Variants in NSD3 observed in about 807,000 individuals in gnomAD.
NSD3 encodes the protein histone-lysine N-methyltransferase NSD3.
Under a neutral mutation model 160.8 loss-of-function variants are expected in NSD3, and 24 were observed. That is an observed-to-expected ratio of 0.15 (90% CI 0.11 to 0.21). The LOEUF is 0.21. Among genes scored for constraint, NSD3 ranks in the 10% least tolerant of loss-of-function variants. The pLI is 1.00. For missense variants in NSD3, 1,157 were observed against 1,735.9 expected, an observed-to-expected ratio of 0.67 and a Z score of 5.93; for synonymous variants, 520 against 600.0, an observed-to-expected ratio of 0.87 and a Z score of 1.95.
intron 2 of NSD3, among the ~76,000 whole-genome samples, chr8:38,344,237 A>C (rs966503417): frequency 6.6e-6 from 1 of 152,098 alleles, no homozygotes; most frequent in Non-Finnish European, 1.5e-5. Context: ...TACTAAGAAA[A>C]AAAGTAGCAG....
intron 4 of NSD3, among the ~76,000 whole-genome samples, chr8:38,334,589 C>A (rs1810161673): frequency 6.6e-6 from 1 of 150,968 alleles, no homozygotes; most frequent in Non-Finnish European, 1.5e-5. Flanking sequence ...CCCGTCTCTA[C>A]TAAAAATACA....
intron 2 of NSD3, among the ~76,000 whole-genome samples, chr8:38,341,146 C>G (rs1472075036): frequency 6.6e-6 from 1 of 151,666 alleles, no homozygotes; most frequent in Non-Finnish European, 1.5e-5. Flanking sequence ...ACAACAACAA[C>G]AAACAAAAAA....
intron 1 of NSD3, among the ~76,000 whole-genome samples, chr8:38,363,608 C>A (rs1195118722): frequency 7.5e-6 from 1 of 133,110 alleles, no homozygotes. Context: ...CACCTGCACT[C>A]TAGCCTGGGT....
chr8:38,323,144 T>A (rs1809830644), intron 7 of NSD3, among the ~76,000 whole-genome samples: 1 of 152,134 alleles, frequency 6.6e-6, no homozygotes. Flanking sequence ...AACCTCCGCC[T>A]CCAGGGTTCA....
At chr8:38,355,410 TA>T (rs59402456) in intron 1 of NSD3, among the ~76,000 whole-genome samples, 34,093 of 143,666 alleles carry the variant, frequency 0.24, 3,933 homozygotes, top group East Asian at 0.32. Flanking sequence ...GCTAAAAAGT[TA>T]AAAAAAAAAA....
intron 1 of NSD3, among the ~76,000 whole-genome samples, chr8:38,359,163 A>T (rs1480987420): frequency 6.6e-6 from 1 of 152,158 alleles, no homozygotes; most frequent in Non-Finnish European, 1.5e-5. Context: ...AGGTTTTCAT[A>T]ATTAAAAAAT....
intron 1 of NSD3, among the ~76,000 whole-genome samples, chr8:38,362,840 C>A (rs530188987): frequency 6.6e-6 from 1 of 152,326 alleles, no homozygotes; most frequent in African/African-American, 2.4e-5. Flanking sequence ...AACATCATCA[C>A]TGTAGAACAT....
At chr8:38,342,914 A>G in intron 2 of NSD3, among the ~76,000 whole-genome samples, 1 of 151,410 alleles carries the variant, frequency 6.6e-6, no homozygotes, top group East Asian at 2.0e-4. Flanking sequence ...ACTACAGGCC[A>G]GGTGCCGTGG....
chr8:38,305,939 A>G (rs925913741), intron 12 of NSD3, among the ~76,000 whole-genome samples: 1 of 152,204 alleles, frequency 6.6e-6, no homozygotes, highest in Non-Finnish European at 1.5e-5. Context: ...TATCCACAAA[A>G]AAGACAATTA....
At chr8:38,369,078 T>TTTA (rs1811174479) in intron 1 of NSD3, among the ~76,000 whole-genome samples, 2 of 152,222 alleles carry the variant, frequency 1.3e-5, no homozygotes, top group African/African-American at 4.8e-5. Flanking sequence ...CACTAAGCAA[T>TTTA]TTATTATATC....
chr8:38,328,826 C>T (rs948971086), intron 6 of NSD3, among the ~76,000 whole-genome samples: 1 of 152,112 alleles, frequency 6.6e-6, no homozygotes, highest in African/African-American at 2.4e-5. Flanking sequence ...TTTGTAGAGG[C>T]TGTTTTTACC....
At chr8:38,302,349 A>G (rs1466866605) in intron 14 of NSD3, among the ~76,000 whole-genome samples, 3 of 152,238 alleles carry the variant, frequency 2.0e-5, no homozygotes, top group African/African-American at 4.8e-5. Context: ...TACTTCTGAA[A>G]GACTTTTGAT....
At position 38,286,719 on chromosome 8, in the gene NSD3, G is replaced by A. The variant is rs150831097; in HGVS notation, c.3501+1768C>T. Among the ~76,000 whole-genome samples, 1,286 of 152,182 alleles carry A rather than the reference G, an allele frequency of 8.5e-3. 9 individuals are homozygous for A. Among genetic ancestry groups the A allele is most frequent in the Non-Finnish European group, 0.013 (874 of 67,998 alleles). Reference sequence around the variant, plus strand: ...CTAGCCAGTGGCTGACCTTCTCACCGCAGCTCCTCTCTTTCCTCTCCTGTG... The same window carrying A: ...CTAGCCAGTGGCTGACCTTCTCACCACAGCTCCTCTCTTTCCTCTCCTGTG... On this transcript the variant is annotated intron_variant, in intron 19 of 23. Coordinates refer to ENST00000317025, the MANE Select transcript of NSD3 (RefSeq NM_023034.2).
At position 38,345,391 on chromosome 8, in the gene NSD3, A is replaced by C. The variant is rs1015975044; in HGVS notation, c.675+2106T>G. Reference sequence around the variant, plus strand: ...GAGACAGGGAGAGAGGGAGAGAGAGAGAGAACGAACAAGAAAAAAACCTGG... The same window carrying C: ...GAGACAGGGAGAGAGGGAGAGAGAGCGAGAACGAACAAGAAAAAAACCTGG... On this transcript the variant is annotated intron_variant, in intron 2 of 23. Transcript: ENST00000317025. Among the ~76,000 whole-genome samples the C allele has an allele frequency of 5.3e-5, 8 of 151,818 alleles. No individual in the cohort carries two copies. In the South Asian group the frequency reaches 1.5e-3, roughly 28 times the overall value.
chr8:38,315,924 C>A lies in NSD3; in HGVS notation c.1974G>T (p.Leu658=). The A allele has an allele frequency of 6.2e-7, 1 of 1,613,810 alleles. No homozygotes were observed. The highest frequency in any genetic ancestry group is 1.1e-5 in the South Asian group (1 of 91,044). Residue 658 remains leucine (L), a synonymous_variant, in exon 10 of 24, where the codon CTG becomes CTT. Coordinates refer to ENST00000317025, the MANE Select transcript of NSD3 (RefSeq NM_023034.2). ...RDTSDSDSRG[L]SDLQVGFGKQ... is the part of the protein sequence containing the mutation. ...TGCACATATTTACCTGCAGGTCACTCAGTCCTCTAGAATCGGAGTCAGATG... is the reference window on the plus strand; with the variant it reads ...TGCACATATTTACCTGCAGGTCACTAAGTCCTCTAGAATCGGAGTCAGATG...
In NSD3 at chr8:38,326,909, T is replaced by C. The variant is rs569117875; in HGVS notation, c.1582-53A>G. On this transcript the variant is annotated intron_variant, in intron 6 of 23. Transcript: ENST00000317025. ...ACAAAACAGGTGATTACCAGGCAAGTGGCATCATGGGCTTATAAAGATGGC... is the reference window on the plus strand; with the variant it reads ...ACAAAACAGGTGATTACCAGGCAAGCGGCATCATGGGCTTATAAAGATGGC... The C allele has an allele frequency of 3.7e-5, 60 of 1,602,268 alleles. No individual in the cohort carries two copies. The South Asian group carries it at 5.9e-4, about 16-fold the overall frequency.
Position 38,275,626 on chromosome 8 carries a change from G to A in NSD3, c.*15C>T. On this transcript the variant is annotated 3_prime_UTR_variant, in exon 24 of 24. Transcript: ENST00000317025. ...GCTTTTTTCACTTAAATAGAAAGGA[G>A]GGGACACCACACATTTATTCTTTTA... The A allele has an allele frequency of 1.9e-6, 3 of 1,606,616 alleles. No individual in the cohort carries two copies. Among genetic ancestry groups the A allele is most frequent in the Non-Finnish European group, 2.6e-6 (3 of 1,174,750 alleles).
chr8:38,340,234 G>A (rs1810329111), intron 2 of NSD3, among the ~76,000 whole-genome samples: 1 of 152,046 alleles, frequency 6.6e-6, no homozygotes, highest in Non-Finnish European at 1.5e-5. Context: ...AAAAGAATAT[G>A]ATTAATTCTA....
chr8:38,302,231 C>T (rs1809293919), intron 14 of NSD3, among the ~76,000 whole-genome samples: 1 of 151,968 alleles, frequency 6.6e-6, no homozygotes, highest in Non-Finnish European at 1.5e-5. Flanking sequence ...TTTCTAATAC[C>T]CAAACAGAAA....
Sources: gnomAD v4.1 joint callset for allele counts (sites outside exome capture counted in the v4.1 genomes callset) on GRCh38, gnomAD v4.1.1 for gene constraint, MANE v1.5 for transcripts, NCBI Gene and HGNC (gene_info 2026-07-23, HGNC 2026-07-21) for gene names.